Variants in CNTRL observed in about 807,000 individuals in gnomAD.
CNTRL encodes centriolin, also known as 110 kDa centrosomal protein.
CNTRL carries 233 observed loss-of-function variants against 303.7 expected under a neutral mutation model. The ratio of observed to expected loss-of-function variants is 0.77; its 90% CI spans 0.69 to 0.86. The LOEUF is 0.86. Ranked by LOEUF, CNTRL falls within the 40% of genes least tolerant of loss-of-function variation. The pLI is 0.00. For synonymous variants in CNTRL, 900 were observed against 922.2 expected, an observed-to-expected ratio of 0.98 and a Z score of 0.44; for missense variants, 2,524 against 2,650.6, an observed-to-expected ratio of 0.95 and a Z score of 1.05.
chr9:121,099,888 T>G (rs2132653484), intron 7 of CNTRL, among the ~76,000 whole-genome samples: 1 of 152,204 alleles, frequency 6.6e-6, no homozygotes, highest in South Asian at 2.1e-4. Flanking sequence ...GAACAAAGCC[T>G]CTAAGAAATA....
At chr9:121,109,684 A>G (rs984874024) in intron 8 of CNTRL, among the ~76,000 whole-genome samples, 7 of 152,150 alleles carry the variant, frequency 4.6e-5, no homozygotes, top group African/African-American at 1.2e-4. Flanking sequence ...TAAAATTTTG[A>G]TAAGTGTTAA....
intron 14 of CNTRL, among the ~76,000 whole-genome samples, chr9:121,127,076 T>C (rs2050573350): frequency 6.6e-6 from 1 of 152,192 alleles, no homozygotes; most frequent in Non-Finnish European, 1.5e-5. Context: ...TGCCTTGGCC[T>C]CTGAAAGTGC....
chr9:121,169,198 C>G (rs2053209849), intron 38 of CNTRL, among the ~76,000 whole-genome samples: 2 of 152,224 alleles, frequency 1.3e-5, no homozygotes, highest in South Asian at 4.1e-4. Flanking sequence ...TAGGAGCCAG[C>G]TCCAAATCCT....
At chr9:121,139,286 G>A (rs2051369938) in intron 16 of CNTRL, among the ~76,000 whole-genome samples, 1 of 152,158 alleles carries the variant, frequency 6.6e-6, no homozygotes, top group Admixed American at 6.6e-5. Context: ...ACAGATGTCT[G>A]AACAAACAAG....
intron 23 of CNTRL, among the ~76,000 whole-genome samples, chr9:121,147,160 G>A (rs1013559450): frequency 4.6e-5 from 7 of 152,102 alleles, no homozygotes; most frequent in Non-Finnish European, 8.8e-5. Context: ...GCGCCACCAC[G>A]CCTGGCTAAT....
At chr9:121,122,895 G>A (rs563158255) in intron 12 of CNTRL, among the ~76,000 whole-genome samples, 16 of 152,194 alleles carry the variant, frequency 1.1e-4, no homozygotes, top group Non-Finnish European at 1.3e-4. Flanking sequence ...TTGTAGAGGG[G>A]TATACCTCCT....
rs1216147205 is a variant in CNTRL, at chr9:121,148,877, T to C, written c.3649+16T>C. On this transcript the variant is annotated intron_variant, in intron 24 of 43. Coordinates refer to ENST00000373855, the MANE Select transcript of CNTRL (RefSeq NM_007018.6). ...CCAAGTAGAGGTAAGTCAAATCACA[T>C]AGGAAAGTTGCATTTCTCTTGCCCG... 2.5e-6 allele frequency: 4 copies of C among 1,606,040 alleles called. No homozygotes were observed. The highest frequency in any genetic ancestry group is 3.4e-6 in the Non-Finnish European group (4 of 1,175,054).
chr9:121,124,186 C>T, intron 13 of CNTRL, 102 bp downstream of exon 13: 1 of 944,374 alleles, frequency 1.1e-6, no homozygotes, highest in Non-Finnish European at 1.5e-6. Flanking sequence ...ATACAGTTCA[C>T]CTATTAGTAC....
At chr9:121,123,554 G>A (rs1405411796) in intron 12 of CNTRL, among the ~76,000 whole-genome samples, 1 of 152,200 alleles carries the variant, frequency 6.6e-6, no homozygotes, top group Non-Finnish European at 1.5e-5. Flanking sequence ...AGCTGAGATC[G>A]TGCCTCTGCA....
chr9:121,152,490 T>C lies in CNTRL; in HGVS notation c.3969T>C (p.Asn1323=). 6.2e-7 allele frequency: 1 copy of C among 1,613,422 alleles called. No individual in the cohort carries two copies. Among genetic ancestry groups the C allele is most frequent in the East Asian group, 2.2e-5 (1 of 44,866 alleles). Residue 1323 remains asparagine, a synonymous_variant, in exon 26 of 44, where the codon AAT becomes AAC. Coordinates refer to ENST00000373855, the MANE Select transcript of CNTRL (RefSeq NM_007018.6). ...CNVPEHHNLE[N]EVSRLEDIMQ... is the part of the protein sequence containing the mutation. ...TTTTTCCCCATCTCATTCAGGAGAA[T>C]GAAGTTTCTAGATTAGAAGACATAA...
chr9:121,125,883 C>T lies in CNTRL; in HGVS notation c.1972C>T (p.Gln658Ter). The change falls in exon 14 of 44, where the codon CAG becomes TAG. Residue 658 changes from glutamine to a stop codon, truncating the protein, a stop_gained. Coordinates refer to ENST00000373855, the MANE Select transcript of CNTRL (RefSeq NM_007018.6). LOFTEE classifies it high-confidence loss of function. ...TLLQRLTEVE[Q>*]ERDQLEIVAM... ...GTTGCAGAGATTGACAGAAGTCGAG[C>T]AGGAGAGAGACCAGCTGGAAATAGT... 3 of 1,614,168 alleles carry T rather than the reference C, an allele frequency of 1.9e-6. No homozygotes were observed. The highest frequency in any genetic ancestry group is 2.5e-6 in the Non-Finnish European group (3 of 1,180,018).
At chr9:121,100,628 A>G (rs1360693087) in intron 7 of CNTRL, among the ~76,000 whole-genome samples, 2 of 152,236 alleles carry the variant, frequency 1.3e-5, no homozygotes, top group Non-Finnish European at 2.9e-5. Context: ...TTGGATAAAG[A>G]GTCAAGACCC....
At chr9:121,171,346 A>G in intron 39 of CNTRL, 62 bp from the exon 40 acceptor site, 2 of 1,586,054 alleles carry the variant, frequency 1.3e-6, no homozygotes, top group Non-Finnish European at 1.7e-6. Flanking sequence ...GTGAGTGTGT[A>G]AGCCAGCAAA....
chr9:121,090,374 C>T lies in CNTRL; in HGVS notation c.317C>T (p.Ser106Leu). 6.2e-7 allele frequency: 1 copy of T among 1,611,910 alleles called. No homozygotes were observed. Among genetic ancestry groups the T allele is most frequent in the Admixed American group, 1.7e-5 (1 of 59,720 alleles). ...NLALIKSLNL[S>L]LSKDGGKKFK... Reference sequence around the variant, plus strand: ...GCTTTGATAAAATCTCTGAACCTTTCACTTTCTAAAGACGGTGGCAAGAAA... The same window carrying T: ...GCTTTGATAAAATCTCTGAACCTTTTACTTTCTAAAGACGGTGGCAAGAAA... The change falls in exon 4 of 44, where the codon TCA becomes TTA. Residue 106 changes from serine to leucine, a missense_variant. Coordinates refer to ENST00000373855, the MANE Select transcript of CNTRL (RefSeq NM_007018.6).
intron 10 of CNTRL, among the ~76,000 whole-genome samples, chr9:121,114,090 G>A (rs911529724): frequency 2.0e-5 from 3 of 152,208 alleles, no homozygotes; most frequent in Admixed American, 6.5e-5. Flanking sequence ...AAAACCTAAA[G>A]CAATGCTTTG....
rs1357821014 is a variant in CNTRL at position 121,134,290 on chromosome 9, A to AT, written c.2026-1514dup. ...TTCCCTAATGTCCTCTAATATCATTATTATTTTTTTTTTTTTTTGAGATGG... is the reference window on the plus strand; with the variant it reads ...TTCCCTAATGTCCTCTAATATCATTATTTATTTTTTTTTTTTTTTGAGATGG... On this transcript the variant is annotated intron_variant, in intron 14 of 43. Coordinates refer to ENST00000373855, the MANE Select transcript of CNTRL (RefSeq NM_007018.6). Among the ~76,000 whole-genome samples, 55 of 97,910 alleles carry AT rather than the reference A, an allele frequency of 5.6e-4. 1 individual carries two copies. The highest frequency in any genetic ancestry group is 1.2e-3 in the Admixed American group (9 of 7,788). 64.2% of individuals were successfully genotyped at this position (97,910 alleles called of 152,430 possible).
chr9:121,107,938 G>A lies in CNTRL; in HGVS notation c.945G>A (p.Met315Ile). The change falls in exon 8 of 44, where the codon ATG becomes ATA. Residue 315 changes from methionine to isoleucine, a missense_variant. Physicochemically the swap from Met to Ile is conservative, Grantham distance 10. Transcript: ENST00000373855. ...ATAAATCATTAAAAGAGGAGGCCAT[G>A]TTACAGAAACAGAGCTGTGAGGAAC... Reference protein sequence around the residue: ...KLNKSLKEEAMLQKQSCEELK... With the variant: ...KLNKSLKEEAILQKQSCEELK... 6.2e-7 allele frequency: 1 copy of A among 1,606,912 alleles called. No individual in the cohort carries two copies. Among genetic ancestry groups the A allele is most frequent in the Non-Finnish European group, 8.5e-7 (1 of 1,177,926 alleles).
rs187083411 is a variant in CNTRL, at chr9:121,081,035, A to G, written c.-32+557A>G. 4.9e-4 allele frequency among the ~76,000 whole-genome samples: 74 copies of G among 152,344 alleles called. 1 individual carries two copies. The highest frequency in any genetic ancestry group is 4.8e-3 in the Admixed American group (74 of 15,294). Reference sequence around the variant, plus strand: ...GACAAAATGGGTATGATCTAACGCTAATAGACTGAGTGAGGAAACTCAGCA... The same window carrying G: ...GACAAAATGGGTATGATCTAACGCTGATAGACTGAGTGAGGAAACTCAGCA... On this transcript the variant is annotated intron_variant, in intron 2 of 43. Coordinates refer to ENST00000373855, the MANE Select transcript of CNTRL (RefSeq NM_007018.6).
chr9:121,086,255 T>G (rs183045752), intron 2 of CNTRL, among the ~76,000 whole-genome samples: 10 of 152,186 alleles, frequency 6.6e-5, no homozygotes, highest in African/African-American at 1.4e-4. Context: ...ACAGACAGGC[T>G]CTCGTGGAGC....
Sources: allele counts gnomAD v4.1 joint callset (sites outside exome capture counted in the v4.1 genomes callset), GRCh38; gene constraint gnomAD v4.1.1; transcripts MANE v1.5; gene names NCBI Gene and HGNC (gene_info 2026-07-23, HGNC 2026-07-21).